The following SNX29 variants were observed in gnomAD, a reference collection of about 807,000 sequenced individuals.
SNX29 encodes sorting nexin 29, also known as sorting nexin-29.
In SNX29, 78 loss-of-function variants were observed where a neutral mutation model predicts 102.1. That is an observed-to-expected ratio of 0.76 (90% CI 0.64 to 0.92). SNX29 has a LOEUF of 0.92. SNX29 is among the 40% of genes least tolerant of loss of function. The pLI is 0.00. For missense variants in SNX29, 1,280 were observed against 1,061.7 expected (o/e 1.21, Z -2.86); for synonymous variants, 580 against 414.5 (o/e 1.40, Z -4.85).
chr16:12,504,235 C>G (rs149000128), intron 19 of SNX29, among the ~76,000 whole-genome samples: 100 of 152,298 alleles, frequency 6.6e-4, no homozygotes, highest in African/African-American at 2.2e-3. Flanking sequence ...GAACTTCATT[C>G]CTTTTTTAAA....
intron 16 of SNX29, among the ~76,000 whole-genome samples, chr16:12,385,809 C>T (rs1188196250): frequency 3.3e-5 from 5 of 152,214 alleles, no homozygotes; most frequent in Non-Finnish European, 7.3e-5. Context: ...TCCCACATAA[C>T]AGATACAGAA....
rs573620044 is a variant in SNX29 at position 12,570,221 on chromosome 16, A to C, written c.*1592A>C. ...CTTCCAAGGGGACCTGGGGCCAGAT[A>C]AGCCCTGCCCCGGTGAGACCAAATG... On this transcript the variant is annotated 3_prime_UTR_variant, in exon 21 of 21. Transcript: ENST00000566228. 37 of 1,064,796 alleles carry C rather than the reference A, an allele frequency of 3.5e-5. No homozygotes were observed. The South Asian group carries it at 1.3e-3, about 38-fold the overall frequency. The allele number at this position is 1,064,796 out of a possible 1,614,324, so 66.0% of individuals were successfully genotyped here. A position where few individuals can be genotyped will look rare whatever the true frequency, so the allele number is the denominator to read the frequency against.
At chr16:12,551,991 G>T (rs7187812) in intron 20 of SNX29, among the ~76,000 whole-genome samples, 17,188 of 152,234 alleles carry the variant, frequency 0.11, 1,219 homozygotes, top group Non-Finnish European at 0.16. Flanking sequence ...TGTCAAAGTA[G>T]CTCCTGCTGG....
At chr16:12,507,705 G>A (rs1487924049) in intron 19 of SNX29, among the ~76,000 whole-genome samples, 1 of 152,110 alleles carries the variant, frequency 6.6e-6, no homozygotes, top group Non-Finnish European at 1.5e-5. Context: ...TCCTTCTTAT[G>A]AGAAAACTCC....
intron 20 of SNX29, among the ~76,000 whole-genome samples, chr16:12,541,363 C>A (rs924567046): frequency 6.6e-6 from 1 of 152,138 alleles, no homozygotes; most frequent in Non-Finnish European, 1.5e-5. Flanking sequence ...TCACAGAATT[C>A]CCTATGAGGG....
intron 19 of SNX29, among the ~76,000 whole-genome samples, chr16:12,507,792 A>G (rs143618200): frequency 2.5e-3 from 379 of 152,060 alleles, no homozygotes; most frequent in African/African-American, 8.2e-3. Context: ...CCCTCCCCTT[A>G]TCCATGTGGT....
intron 9 of SNX29, among the ~76,000 whole-genome samples, chr16:12,063,366 C>CTGTTTTTTTTTTTT (rs2050862647): frequency 1.8e-5 from 1 of 55,336 alleles, no homozygotes; most frequent in African/African-American, 7.2e-5. Context: ...CCTAGTCCAT[C>CTGTTTTTTTTTTTT]TTTTTTTTTT....
Position 12,237,562 on chromosome 16 carries a change from G to C in SNX29, c.1678+37879G>C, listed in dbSNP as rs578083391. Reference sequence around the variant, plus strand: ...GAGGTGGGTGGATCACCTGAGGTCAGGAGTTTGAGACCAGACTGGGCAACA... The same window carrying C: ...GAGGTGGGTGGATCACCTGAGGTCACGAGTTTGAGACCAGACTGGGCAACA... On this transcript the variant is annotated intron_variant, in intron 14 of 20. Coordinates refer to ENST00000566228, the MANE Select transcript of SNX29 (RefSeq NM_032167.5). Among the ~76,000 whole-genome samples, 8 of 152,078 alleles carry C rather than the reference G, an allele frequency of 5.3e-5. No individual in the cohort carries two copies. In the East Asian group the frequency reaches 1.6e-3, roughly 29 times the overall value.
intron 15 of SNX29, among the ~76,000 whole-genome samples, chr16:12,343,976 T>G (rs1316766877): frequency 6.6e-6 from 1 of 152,216 alleles, no homozygotes; most frequent in Non-Finnish European, 1.5e-5. Flanking sequence ...AGGGACCCAG[T>G]GTGAGATAAT....
intron 20 of SNX29, among the ~76,000 whole-genome samples, chr16:12,544,305 G>C (rs2077484378): frequency 6.6e-6 from 1 of 152,206 alleles, no homozygotes; most frequent in Non-Finnish European, 1.5e-5. Flanking sequence ...GGCCACAGGG[G>C]AAGGTGGACC....
At chr16:11,982,322 T>C (rs943242056) in intron 1 of SNX29, among the ~76,000 whole-genome samples, 1 of 152,184 alleles carries the variant, frequency 6.6e-6, no homozygotes, top group African/African-American at 2.4e-5. Context: ...GTGTTTGTTG[T>C]TACTGGGAAA....
Position 12,568,852 on chromosome 16 carries a change from T to A in SNX29, c.*223T>A. On this transcript the variant is annotated 3_prime_UTR_variant, in exon 21 of 21. Transcript: ENST00000566228. ...CAAGGCAGCACCTCGCTGGAGAGAC[T>A]GGGACACACAGTCCTTCTGCTTCTG... The A allele has an allele frequency of 3.0e-6, 2 of 657,338 alleles. No individual in the cohort carries two copies. The highest frequency in any genetic ancestry group is 4.1e-5 in the South Asian group (2 of 48,670). The allele number at this position is 657,338 out of a possible 1,614,324, so 40.7% of individuals were successfully genotyped here. A position where few individuals can be genotyped will look rare whatever the true frequency, so the allele number is the denominator to read the frequency against.
At chr16:12,359,328 C>G (rs1433436930) in intron 16 of SNX29, among the ~76,000 whole-genome samples, 1 of 151,318 alleles carries the variant, frequency 6.6e-6, no homozygotes, top group Non-Finnish European at 1.5e-5. Context: ...TGTTTTCCCA[C>G]TTGTACCTAC....
chr16:12,298,199 A>G (rs747791962), intron 15 of SNX29, among the ~76,000 whole-genome samples: 4 of 152,192 alleles, frequency 2.6e-5, no homozygotes, highest in Non-Finnish European at 5.9e-5. Context: ...ATAGCACTTC[A>G]GTCATGGCAT....
intron 3 of SNX29, among the ~76,000 whole-genome samples, chr16:12,017,528 C>T (rs1596603226): frequency 6.6e-6 from 1 of 152,156 alleles, no homozygotes; most frequent in Admixed American, 6.6e-5. Flanking sequence ...TATCTTTTTG[C>T]CATGTAGACA....
At chr16:12,283,915 G>T (rs1371943429) in intron 15 of SNX29, among the ~76,000 whole-genome samples, 2 of 152,144 alleles carry the variant, frequency 1.3e-5, no homozygotes, top group Non-Finnish European at 2.9e-5. Context: ...GACTGTTAGT[G>T]GTGATGCTCA....
At chr16:12,535,892 C>T (rs746055153) in intron 20 of SNX29, among the ~76,000 whole-genome samples, 1 of 152,308 alleles carries the variant, frequency 6.6e-6, no homozygotes, top group African/African-American at 2.4e-5. Context: ...CCCATCTCCC[C>T]TTCTTTGAGG....
At chr16:12,171,287 G>A (rs2076144431) in intron 13 of SNX29, among the ~76,000 whole-genome samples, 4 of 152,046 alleles carry the variant, frequency 2.6e-5, no homozygotes, top group South Asian at 2.1e-4. Flanking sequence ...GGGGTCTGCC[G>A]TTGCATCCCT....
intron 18 of SNX29, 118 bp downstream of exon 18, chr16:12,403,647 C>T: frequency 2.1e-6 from 2 of 951,752 alleles, no homozygotes; most frequent in South Asian, 2.9e-5. Context: ...CTATGGCCTT[C>T]CAGACACCCA....
Sources: gnomAD v4.1 joint callset for allele counts (sites outside exome capture counted in the v4.1 genomes callset) on GRCh38, gnomAD v4.1.1 for gene constraint, MANE v1.5 for transcripts, NCBI Gene and HGNC (gene_info 2026-07-23, HGNC 2026-07-21) for gene names.